NKAIN2: variants seen among roughly 807,000 people sequenced by gnomAD.
NKAIN2 encodes the protein sodium/potassium transporting ATPase interacting 2.
NKAIN2 carries 14 observed loss-of-function variants against 32.6 expected under a neutral mutation model. The observed-to-expected ratio is 0.43, with a 90% CI of 0.28 to 0.67. The LOEUF (loss-of-function observed/expected upper bound fraction) is 0.67. Among genes scored for constraint, NKAIN2 ranks in the 30% least tolerant of loss-of-function variants. The pLI, the probability that NKAIN2 is intolerant of heterozygous loss-of-function variation, is 0.17. For synonymous variants in NKAIN2, 80 were observed against 87.2 expected (o/e 0.92, Z 0.46); for missense variants, 198 against 258.3 (o/e 0.77, Z 1.60).
At chr6:124,757,540 G>A (rs1318767599) in intron 4 of NKAIN2, among the ~76,000 whole-genome samples, 2 of 152,140 alleles carry the variant, frequency 1.3e-5, no homozygotes, top group African/African-American at 4.8e-5. Flanking sequence ...TCTGTGACAA[G>A]AGCACATATG....
intron 4 of NKAIN2, among the ~76,000 whole-genome samples, chr6:124,743,524 C>T (rs1777318260): frequency 1.3e-5 from 2 of 151,674 alleles, no homozygotes; most frequent in African/African-American, 2.4e-5. Context: ...GTGAATCTCC[C>T]GACCCTGATT....
At chr6:124,620,639 C>A (rs9491204) in intron 3 of NKAIN2, among the ~76,000 whole-genome samples, 24,063 of 152,106 alleles carry the variant, frequency 0.16, 2,003 homozygotes, top group Middle Eastern at 0.23. Flanking sequence ...CTTTCATAAG[C>A]TAAGGTTAGG....
intron 2 of NKAIN2, among the ~76,000 whole-genome samples, chr6:124,287,296 G>C (rs1303000783): frequency 6.6e-6 from 1 of 152,164 alleles, no homozygotes; most frequent in African/African-American, 2.4e-5. Flanking sequence ...TATTTGAAGA[G>C]CTTCAAATTA....
chr6:124,165,219 T>A (rs997068787), intron 1 of NKAIN2, among the ~76,000 whole-genome samples: 4 of 152,046 alleles, frequency 2.6e-5, no homozygotes, highest in Admixed American at 1.3e-4. Flanking sequence ...TGAATATGCC[T>A]TGAAATATAT....
intron 3 of NKAIN2, among the ~76,000 whole-genome samples, chr6:124,611,182 G>A (rs1385585350): frequency 1.3e-5 from 2 of 151,872 alleles, no homozygotes; most frequent in African/African-American, 4.8e-5. Context: ...TTTTATTACT[G>A]GTATTAGTGT....
rs17764476 is a variant in NKAIN2 at position 124,601,762 on chromosome 6, T to C, written c.274-56424T>C. On this transcript the variant is annotated intron_variant, in intron 3 of 6. Coordinates refer to ENST00000368417, the MANE Select transcript of NKAIN2 (RefSeq NM_001040214.3). ...ATAAACAACAAATATGTAGGAAAAA[T>C]GAAGAAATTCCAGTGATTCCTGGGT... Among the ~76,000 whole-genome samples the C allele has an allele frequency of 5.8e-3, 876 of 151,936 alleles. 2 individuals are homozygous for C. The highest frequency in any genetic ancestry group is 9.7e-3 in the Non-Finnish European group (659 of 67,916).
chr6:124,312,404 C>T (rs1344768827), intron 2 of NKAIN2, among the ~76,000 whole-genome samples: 3 of 152,190 alleles, frequency 2.0e-5, no homozygotes, highest in Non-Finnish European at 2.9e-5. Flanking sequence ...ATGTCCAGGC[C>T]TCTGGAACTT....
chr6:124,283,379 C>T (rs781518815), intron 2 of NKAIN2: 11 of 293,302 alleles, frequency 3.8e-5, no homozygotes, highest in African/African-American at 8.6e-5. Flanking sequence ...GTACTTTCAG[C>T]GAATAGTCTC....
At chr6:124,663,242 T>C (rs1305501862) in intron 4 of NKAIN2, among the ~76,000 whole-genome samples, 2 of 151,912 alleles carry the variant, frequency 1.3e-5, no homozygotes, top group Middle Eastern at 3.2e-3. Flanking sequence ...CTGATCAACA[T>C]GGTGAAACCC....
At chr6:124,386,018 T>G (rs1270117360) in intron 3 of NKAIN2, among the ~76,000 whole-genome samples, 1 of 152,130 alleles carries the variant, frequency 6.6e-6, no homozygotes, top group Non-Finnish European at 1.5e-5. Context: ...GGGAATATAA[T>G]CAGTCAATGC....
chr6:124,351,985 A>G (rs1157075526), intron 2 of NKAIN2, among the ~76,000 whole-genome samples: 1 of 152,160 alleles, frequency 6.6e-6, no homozygotes. Flanking sequence ...TAAAATGACA[A>G]CATATAGTGA....
At chr6:124,231,432 G>T (rs1792456852) in intron 1 of NKAIN2, among the ~76,000 whole-genome samples, 1 of 152,138 alleles carries the variant, frequency 6.6e-6, no homozygotes, top group African/African-American at 2.4e-5. Flanking sequence ...GAAATGTAAA[G>T]ACATGAGATT....
At chr6:123,860,043 A>G (rs988690510) in intron 1 of NKAIN2, among the ~76,000 whole-genome samples, 2 of 152,136 alleles carry the variant, frequency 1.3e-5, no homozygotes, top group African/African-American at 4.8e-5. Context: ...CCTTTTAGTT[A>G]GTTAGCACTA....
chr6:124,147,985 C>T (rs1022981590), intron 1 of NKAIN2, among the ~76,000 whole-genome samples: 1 of 152,094 alleles, frequency 6.6e-6, no homozygotes. Flanking sequence ...CTTTAGTTTC[C>T]ACTGCAGTCC....
At chr6:124,561,992 G>A (rs961988746) in intron 3 of NKAIN2, among the ~76,000 whole-genome samples, 4 of 152,168 alleles carry the variant, frequency 2.6e-5, no homozygotes, top group Admixed American at 6.5e-5. Context: ...CTGTTTTAGC[G>A]TCTGTCATTG....
At chr6:124,412,639 G>A (rs1774255078) in intron 3 of NKAIN2, among the ~76,000 whole-genome samples, 1 of 152,202 alleles carries the variant, frequency 6.6e-6, no homozygotes, top group Admixed American at 6.5e-5. Flanking sequence ...ACTTGAGGAG[G>A]CAGTCTGCCC....
chr6:124,660,550 A>G (rs544372757), intron 4 of NKAIN2, among the ~76,000 whole-genome samples: 1 of 152,318 alleles, frequency 6.6e-6, no homozygotes, highest in African/African-American at 2.4e-5. Flanking sequence ...TGTGACCAAT[A>G]TTTCATGCTA....
At chr6:123,917,920 A>C (rs760272946) in intron 1 of NKAIN2, among the ~76,000 whole-genome samples, 2 of 152,156 alleles carry the variant, frequency 1.3e-5, no homozygotes, top group African/African-American at 2.4e-5. Context: ...AATTGTTAAA[A>C]TTTTAGGAAT....
chr6:124,066,479 T>C (rs1416884529), intron 1 of NKAIN2, among the ~76,000 whole-genome samples: 4 of 152,170 alleles, frequency 2.6e-5, no homozygotes, highest in Admixed American at 6.6e-5. Context: ...AGAGTGCACT[T>C]CCAGAAGGCA....
Sources: gnomAD v4.1 joint callset for allele counts (sites outside exome capture counted in the v4.1 genomes callset) on GRCh38, gnomAD v4.1.1 for gene constraint, MANE v1.5 for transcripts, NCBI Gene and HGNC (gene_info 2026-07-23, HGNC 2026-07-21) for gene names.